The following ARL6IP1 variants were observed in gnomAD, a reference collection of about 807,000 sequenced individuals.
ARL6IP1 encodes ADP-ribosylation factor-like protein 6-interacting protein 1.
In ARL6IP1, 16 loss-of-function variants were observed where a neutral mutation model predicts 30.1. The ratio of observed to expected loss-of-function variants is 0.53; its 90% CI spans 0.36 to 0.81. The LOEUF (loss-of-function observed/expected upper bound fraction) is 0.81. ARL6IP1 is among the 30% of genes least tolerant of loss of function. The pLI is 0.01. For missense variants in ARL6IP1, 173 were observed against 242.7 expected (o/e 0.71, Z 1.91); for synonymous variants, 72 against 84.8 (o/e 0.85, Z 0.83).
At chr16:18,797,900 A>C in intron 3 of ARL6IP1, 25 bp downstream of exon 3, 1 of 1,601,830 alleles carries the variant, frequency 6.2e-7, no homozygotes. Context: ...CAAAAATGAG[A>C]CTGCCAAATC....
chr16:18,797,202 AC>A lies in ARL6IP1; in HGVS notation c.290+722del, dbSNP rs1367304580. On this transcript the variant is annotated intron_variant, in intron 3 of 5. Coordinates refer to ENST00000304414, the MANE Select transcript of ARL6IP1 (RefSeq NM_015161.3). ...AGACCATCCTGGCTAACATGGTGAA[AC>A]CCCGTCTCTACTAAAAATAAAAAAA... is the stretch of plus-strand genomic sequence containing the variant. Among the ~76,000 whole-genome samples the A allele has an allele frequency of 1.1e-3, 163 of 142,242 alleles. 1 individual carries two copies. The highest frequency in any genetic ancestry group is 4.2e-3 in the African/African-American group (152 of 36,256). 93.3% of individuals were successfully genotyped at this position (142,242 alleles called of 152,430 possible).
At position 18,799,973 on chromosome 16, in the gene ARL6IP1, G is replaced by T. The variant is rs1012731077; in HGVS notation, c.37-1139C>A. Among the ~76,000 whole-genome samples, 6 of 152,150 alleles carry T rather than the reference G, an allele frequency of 3.9e-5. No homozygotes were observed. In the East Asian group the frequency reaches 5.8e-4, roughly 15 times the overall value. On this transcript the variant is annotated intron_variant, in intron 1 of 5. Coordinates refer to ENST00000304414, the MANE Select transcript of ARL6IP1 (RefSeq NM_015161.3). ...TGTAAACCCAGCACTTGGCGGGTCG[G>T]GGGGGATTGCTTGAGCCCAGGAGAT...
intron 4 of ARL6IP1, among the ~76,000 whole-genome samples, 157 bp from the exon 5 acceptor site, chr16:18,794,840 C>A (rs981997717): frequency 6.6e-6 from 1 of 152,102 alleles, no homozygotes; most frequent in Non-Finnish European, 1.5e-5. Context: ...GATTTAAAAA[C>A]CTATTCCATT....
chr16:18,794,144 G>T lies in ARL6IP1; in HGVS notation c.493+455C>A, dbSNP rs1003021877. 9.9e-5 allele frequency among the ~76,000 whole-genome samples: 15 copies of T among 152,074 alleles called. 1 individual carries two copies. In the South Asian group the frequency reaches 2.3e-3, roughly 23 times the overall value. ...TTTTTGTATTTTTAGTAGAGACAGG[G>T]TTTCGCCATGTTGGCTAGGCTGGTC... is the stretch of plus-strand genomic sequence containing the variant. On this transcript the variant is annotated intron_variant, in intron 5 of 5. Coordinates refer to ENST00000304414, the MANE Select transcript of ARL6IP1 (RefSeq NM_015161.3).
chr16:18,798,023 TG>T lies in ARL6IP1; in HGVS notation c.191del (p.Pro64HisfsTer24). The T allele has an allele frequency of 6.2e-7, 1 of 1,609,774 alleles. No homozygotes were observed. The highest frequency in any genetic ancestry group is 8.5e-7 in the Non-Finnish European group (1 of 1,178,520). ...LVFLIIYYLD[P>X]SVLSGVSCFV... ...AACAGGAAACGCCGGACAGAACAGA[TG>T]GATCTAGATAGTAGATAATCCTGTT... On this transcript the variant is annotated frameshift_variant, in exon 3 of 6. Coordinates refer to ENST00000304414, the MANE Select transcript of ARL6IP1 (RefSeq NM_015161.3). LOFTEE classifies it high-confidence loss of function.
chr16:18,795,383 A>T lies in ARL6IP1; in HGVS notation c.408+81T>A, dbSNP rs901456048. ...GGAATTAACCAATGAATAATTTTCA[A>T]ATTATAGCTATTAAGACAAAAAGGC... On this transcript the variant is annotated intron_variant, in intron 4 of 5. Transcript: ENST00000304414. 9.6e-5 allele frequency: 88 copies of T among 918,710 alleles called. 2 individuals are homozygous for T. Among genetic ancestry groups the T allele is most frequent in the South Asian group, 4.2e-4 (27 of 64,888 alleles). 56.9% of individuals were successfully genotyped at this position (918,710 alleles called of 1,614,324 possible).
rs753753805 is a variant in ARL6IP1 at position 18,797,916 on chromosome 16, G to A, written c.290+9C>T. 1.9e-6 allele frequency: 3 copies of A among 1,608,388 alleles called. No individual in the cohort carries two copies. Among genetic ancestry groups the A allele is most frequent in the Non-Finnish European group, 1.7e-6 (2 of 1,178,536 alleles). On this transcript the variant is annotated intron_variant, in intron 3 of 5. Transcript: ENST00000304414. Reference sequence around the variant, plus strand: ...AAAAATGAGACTGCCAAATCATTATGCTACCTACCATTTATTGGAGCCAAA... The same window carrying A: ...AAAAATGAGACTGCCAAATCATTATACTACCTACCATTTATTGGAGCCAAA...
intron 3 of ARL6IP1, among the ~76,000 whole-genome samples, chr16:18,797,145 C>T (rs974411902): frequency 6.6e-6 from 1 of 151,770 alleles, no homozygotes; most frequent in Non-Finnish European, 1.5e-5. Flanking sequence ...TTTGGGAGGC[C>T]GAGGCGGGCG....
chr16:18,792,708 A>G lies in ARL6IP1; in HGVS notation c.*544T>C, dbSNP rs1567290319. On this transcript the variant is annotated 3_prime_UTR_variant, in exon 6 of 6. Coordinates refer to ENST00000304414, the MANE Select transcript of ARL6IP1 (RefSeq NM_015161.3). ...TGTACTAGTGCATGGAATCAGTTTC[A>G]TCTTATTTCATGGGGACTCTTCTCC... The G allele has an allele frequency of 6.5e-6, 1 of 152,672 alleles. No individual in the cohort carries two copies. Among genetic ancestry groups the G allele is most frequent in the Admixed American group, 6.5e-5 (1 of 15,280 alleles). The allele number at this position is 152,672 out of a possible 1,614,324, so 9.5% of individuals were successfully genotyped here. A position where few individuals can be genotyped will look rare whatever the true frequency, so the allele number is the denominator to read the frequency against.
intron 1 of ARL6IP1, among the ~76,000 whole-genome samples, chr16:18,799,973 G>C (rs1012731077): frequency 6.6e-6 from 1 of 152,150 alleles, no homozygotes; most frequent in Non-Finnish European, 1.5e-5. Context: ...TGGCGGGTCG[G>C]GGGGGATTGC....
chr16:18,797,160 A>C (rs888789605), intron 3 of ARL6IP1, among the ~76,000 whole-genome samples: 1 of 151,984 alleles, frequency 6.6e-6, no homozygotes, highest in African/African-American at 2.4e-5. Context: ...CGGGCGGATC[A>C]CAAGGTCAGG....
rs528861454 is a variant in ARL6IP1 at position 18,798,456 on chromosome 16, G to A, written c.170+245C>T. ...CTTAAAGTATAATAACAAAAAAAGA[G>A]TTTAAGTGTCTGGAGGACAAAAAGT... On this transcript the variant is annotated intron_variant, in intron 2 of 5. Coordinates refer to ENST00000304414, the MANE Select transcript of ARL6IP1 (RefSeq NM_015161.3). The A allele has an allele frequency of 7.1e-3, 3,077 of 434,334 alleles. 75 individuals carry two copies. The highest frequency in any genetic ancestry group is 0.056 in the African/African-American group (2,760 of 49,534). 26.9% of individuals were successfully genotyped at this position (434,334 alleles called of 1,614,324 possible). A position where few individuals can be genotyped will look rare whatever the true frequency, so the allele number is the denominator to read the frequency against.
chr16:18,798,409 A>T (rs558118499), intron 2 of ARL6IP1: 2 of 347,004 alleles, frequency 5.8e-6, no homozygotes. Context: ...AAACCTGTAC[A>T]TTCTACACAT....
At position 18,792,087 on chromosome 16, in the gene ARL6IP1, A is replaced by G. The variant is rs1158691951; in HGVS notation, c.*1165T>C. 6.6e-6 allele frequency: 1 copy of G among 152,338 alleles called. No individual in the cohort carries two copies. The highest frequency in any genetic ancestry group is 1.5e-5 in the Non-Finnish European group (1 of 68,044). 9.4% of individuals were successfully genotyped at this position (152,338 alleles called of 1,614,324 possible). A position where few individuals can be genotyped will look rare whatever the true frequency, so the allele number is the denominator to read the frequency against. ...AAGATTTCAACTACTCTAAATTTCT[A>G]GCTACCAAGAAGTTAAGAATGATTA... is the stretch of plus-strand genomic sequence containing the variant. On this transcript the variant is annotated 3_prime_UTR_variant, in exon 6 of 6. Coordinates refer to ENST00000304414, the MANE Select transcript of ARL6IP1 (RefSeq NM_015161.3).
At chr16:18,798,112 TTAAC>T (rs2030296450) in intron 2 of ARL6IP1, 68 bp from the exon 3 acceptor site, 2 of 1,410,896 alleles carry the variant, frequency 1.4e-6, no homozygotes, top group African/African-American at 2.9e-5. Flanking sequence ...CATGTCTAAC[TTAAC>T]TATTCACTTA....
chr16:18,795,074 T>C, intron 4 of ARL6IP1: 1 of 206,088 alleles, frequency 4.9e-6, no homozygotes, highest in Non-Finnish European at 9.8e-6. Flanking sequence ...TGGAGTGCAG[T>C]GGTGCAAACA....
chr16:18,795,414 G>T lies in ARL6IP1; in HGVS notation c.408+50C>A, dbSNP rs748094353. The T allele has an allele frequency of 9.1e-6, 12 of 1,325,250 alleles. No individual in the cohort carries two copies. The South Asian group carries it at 1.4e-4, about 15-fold the overall frequency. 82.1% of individuals were successfully genotyped at this position (1,325,250 alleles called of 1,614,324 possible). ...AGCTATTAAGACAAAAAGGCGAATT[G>T]ACTCAAATCTTAAAATTTTACTGTA... On this transcript the variant is annotated intron_variant, in intron 4 of 5. Coordinates refer to ENST00000304414, the MANE Select transcript of ARL6IP1 (RefSeq NM_015161.3).
chr16:18,793,613 T>C (rs1018181092), intron 5 of ARL6IP1, among the ~76,000 whole-genome samples: 1 of 152,104 alleles, frequency 6.6e-6, no homozygotes. Flanking sequence ...GTATTTTTAG[T>C]AGAGATGGGG....
intron 4 of ARL6IP1, 98 bp downstream of exon 4, chr16:18,795,366 C>A: frequency 2.7e-6 from 2 of 740,592 alleles, no homozygotes; most frequent in South Asian, 3.6e-5. Context: ...TAGGAATTAA[C>A]CAATGAATAA....
Sources: gnomAD v4.1 joint callset for allele counts (sites outside exome capture counted in the v4.1 genomes callset) on GRCh38, gnomAD v4.1.1 for gene constraint, MANE v1.5 for transcripts, NCBI Gene and HGNC (gene_info 2026-07-23, HGNC 2026-07-21) for gene names.